Variants in FHIT observed in about 807,000 individuals in gnomAD.
FHIT encodes fragile histidine triad diadenosine triphosphatase.
Under a neutral mutation model 17.9 loss-of-function variants are expected in FHIT, and 19 were observed. That is an observed-to-expected ratio of 1.06 (90% CI 0.74 to 1.56). FHIT has a LOEUF of 1.56. FHIT is among the 40% of genes most tolerant of loss of function. The pLI, the probability that FHIT is intolerant of heterozygous loss-of-function variation, is 0.00. For synonymous variants in FHIT, 81 were observed against 69.7 expected (o/e 1.16, Z -0.81); for missense variants, 248 against 189.2 (o/e 1.31, Z -1.82).
At chr3:60,818,500 G>A (rs1472702658) in intron 4 of FHIT, among the ~76,000 whole-genome samples, 2 of 152,088 alleles carry the variant, frequency 1.3e-5, no homozygotes, top group African/African-American at 4.8e-5. Flanking sequence ...GCTCCATCAA[G>A]AATATACACA....
intron 5 of FHIT, among the ~76,000 whole-genome samples, chr3:60,156,158 C>T (rs1315484530): frequency 6.7e-6 from 1 of 150,316 alleles, no homozygotes; most frequent in Non-Finnish European, 1.5e-5. Context: ...TGGAGACCAG[C>T]CCGACCAACA....
intron 4 of FHIT, among the ~76,000 whole-genome samples, chr3:60,590,111 A>C (rs185214756): frequency 4.6e-5 from 7 of 152,188 alleles, no homozygotes; most frequent in Non-Finnish European, 1.0e-4. Context: ...TTTCTCTAAT[A>C]AGTTAACGAT....
chr3:61,143,385 A>T (rs1471171359), intron 2 of FHIT, among the ~76,000 whole-genome samples: 1 of 152,126 alleles, frequency 6.6e-6, no homozygotes, highest in Non-Finnish European at 1.5e-5. Flanking sequence ...GAGTGCATGC[A>T]TATTATGTGT....
chr3:60,283,467 T>C (rs1204318815), intron 5 of FHIT, among the ~76,000 whole-genome samples: 1 of 152,148 alleles, frequency 6.6e-6, no homozygotes, highest in Admixed American at 6.6e-5. Context: ...TGCTTTTCAG[T>C]ATATTCAGAA....
intron 5 of FHIT, among the ~76,000 whole-genome samples, chr3:60,097,694 T>C (rs1005442681): frequency 1.2e-4 from 19 of 152,068 alleles, no homozygotes; most frequent in African/African-American, 4.6e-4. Flanking sequence ...ATTCTACCAA[T>C]TAATTTTTTC....
intron 2 of FHIT, among the ~76,000 whole-genome samples, chr3:61,179,288 A>G (rs928307134): frequency 3.3e-5 from 5 of 152,054 alleles, no homozygotes; most frequent in Non-Finnish European, 7.4e-5. Flanking sequence ...GATTACAGGC[A>G]TGAGCCACCA....
intron 3 of FHIT, among the ~76,000 whole-genome samples, chr3:60,878,385 C>T (rs1206779525): frequency 2.0e-5 from 3 of 152,094 alleles, no homozygotes; most frequent in African/African-American, 7.2e-5. Context: ...AAGAGGGATC[C>T]TCTTGTTTAA....
intron 4 of FHIT, among the ~76,000 whole-genome samples, chr3:60,804,235 C>T (rs1337910958): frequency 3.3e-5 from 5 of 152,214 alleles, no homozygotes; most frequent in African/African-American, 1.2e-4. Flanking sequence ...TGATCAAGGG[C>T]ACTGCGATCC....
intron 2 of FHIT, among the ~76,000 whole-genome samples, chr3:61,171,853 T>G (rs998507849): frequency 3.9e-5 from 6 of 152,256 alleles, no homozygotes; most frequent in Admixed American, 2.0e-4. Context: ...AATTCTTATG[T>G]ACATGAAAGT....
intron 4 of FHIT, among the ~76,000 whole-genome samples, chr3:60,660,548 C>A (rs2040216027): frequency 6.6e-6 from 1 of 152,022 alleles, no homozygotes; most frequent in African/African-American, 2.4e-5. Flanking sequence ...TTATGCCATG[C>A]AGTTGTTCTC....
At chr3:60,797,325 T>C (rs1458173963) in intron 4 of FHIT, among the ~76,000 whole-genome samples, 1 of 152,096 alleles carries the variant, frequency 6.6e-6, no homozygotes, top group Non-Finnish European at 1.5e-5. Flanking sequence ...ATATGGCAAC[T>C]GCAAAACTGC....
chr3:59,962,515 G>A (rs1330819476), intron 7 of FHIT, among the ~76,000 whole-genome samples: 1 of 152,160 alleles, frequency 6.6e-6, no homozygotes, highest in African/African-American at 2.4e-5. Flanking sequence ...TGTAGTTTTG[G>A]GAGGGGAGGG....
At chr3:60,059,886 G>A (rs181917691) in intron 5 of FHIT, among the ~76,000 whole-genome samples, 90 of 152,234 alleles carry the variant, frequency 5.9e-4, no homozygotes, top group African/African-American at 2.1e-3. Flanking sequence ...ATCGACAATG[G>A]TTTGACTTCA....
chr3:59,772,435 G>A (rs942782560), intron 8 of FHIT, among the ~76,000 whole-genome samples: 2 of 152,206 alleles, frequency 1.3e-5, no homozygotes, highest in Admixed American at 6.5e-5. Flanking sequence ...TGCAAACACT[G>A]TTTTAAACAC....
intron 3 of FHIT, among the ~76,000 whole-genome samples, chr3:60,900,771 C>A (rs1236048720): frequency 3.3e-5 from 5 of 151,948 alleles, no homozygotes; most frequent in Non-Finnish European, 7.4e-5. Context: ...TCTAATGGGA[C>A]AAAGTAATTT....
chr3:60,138,342 G>A (rs1019196070), intron 5 of FHIT, among the ~76,000 whole-genome samples: 1 of 152,180 alleles, frequency 6.6e-6, no homozygotes, highest in Non-Finnish European at 1.5e-5. Context: ...ACTGAGAAAT[G>A]ATGGGCTAGG....
intron 4 of FHIT, among the ~76,000 whole-genome samples, chr3:60,759,955 C>T (rs1212424869): frequency 6.6e-6 from 1 of 151,628 alleles, no homozygotes; most frequent in African/African-American, 2.4e-5. Flanking sequence ...TTTTTCCTTC[C>T]TTCCTGCTTG....
chr3:59,800,158 A>C (rs1406112846), intron 8 of FHIT, among the ~76,000 whole-genome samples: 1 of 152,210 alleles, frequency 6.6e-6, no homozygotes, highest in Non-Finnish European at 1.5e-5. Flanking sequence ...TAAATTATCA[A>C]ATGCAAATGC....
At chr3:61,113,149 G>A (rs757164432) in intron 2 of FHIT, among the ~76,000 whole-genome samples, 14 of 151,810 alleles carry the variant, frequency 9.2e-5, no homozygotes, top group Non-Finnish European at 1.6e-4. Context: ...GACTACAGGC[G>A]TGCACCACCA....
Sources: allele counts gnomAD v4.1 joint callset (sites outside exome capture counted in the v4.1 genomes callset), GRCh38; gene constraint gnomAD v4.1.1; transcripts MANE v1.5; gene names NCBI Gene and HGNC (gene_info 2026-07-23, HGNC 2026-07-21).